ITPR2: variants seen among roughly 807,000 people sequenced by gnomAD.
ITPR2 encodes the protein inositol 1,4,5-trisphosphate-gated calcium channel ITPR2.
A neutral mutation model predicts 317.1 loss-of-function variants in ITPR2; 207 were observed. That is an observed-to-expected ratio of 0.65 (90% confidence interval 0.58 to 0.73). ITPR2 has a LOEUF of 0.73. Ranked by LOEUF, ITPR2 falls within the 30% of genes least tolerant of loss-of-function variation. The pLI is 0.00. For missense variants in ITPR2, 2,613 were observed against 3,284.0 expected, an observed-to-expected ratio of 0.80 and a Z score of 4.99; for synonymous variants, 1,156 against 1,149.1, an observed-to-expected ratio of 1.01 and a Z score of -0.12.
At chr12:26,461,278 A>G (rs768034659) in intron 45 of ITPR2, among the ~76,000 whole-genome samples, 17 of 152,152 alleles carry the variant, frequency 1.1e-4, no homozygotes, top group Non-Finnish European at 1.2e-4. Context: ...TTTCACAAGG[A>G]TATTTCAGAT....
intron 1 of ITPR2, among the ~76,000 whole-genome samples, chr12:26,826,495 C>T (rs1951011472): frequency 6.6e-6 from 1 of 152,064 alleles, no homozygotes; most frequent in South Asian, 2.1e-4. Context: ...CATCCCTGAA[C>T]ATGGAAACAA....
At chr12:26,461,392 G>A (rs1287380438) in intron 45 of ITPR2, among the ~76,000 whole-genome samples, 1 of 151,850 alleles carries the variant, frequency 6.6e-6, no homozygotes, top group African/African-American at 2.4e-5. Flanking sequence ...CATGCCACCT[G>A]TTTTTTAAAA....
intron 45 of ITPR2, among the ~76,000 whole-genome samples, chr12:26,467,108 G>A (rs968757471): frequency 6.6e-6 from 1 of 152,168 alleles, no homozygotes; most frequent in Non-Finnish European, 1.5e-5. Context: ...ACTGTAAGTA[G>A]TCTGAGTGAT....
intron 2 of ITPR2, among the ~76,000 whole-genome samples, chr12:26,781,335 T>C (rs180862717): frequency 2.0e-5 from 3 of 152,348 alleles, no homozygotes; most frequent in East Asian, 3.9e-4. Flanking sequence ...CTCCTCCTTT[T>C]GCTAAAAACA....
intron 56 of ITPR2, 76 bp downstream of exon 56, chr12:26,340,090 TG>T: frequency 7.1e-7 from 1 of 1,399,124 alleles, no homozygotes; most frequent in Non-Finnish European, 9.6e-7. Context: ...CCTGGCTCCC[TG>T]GACCCTCTGT....
At chr12:26,497,431 G>A (rs1470445015) in intron 37 of ITPR2, among the ~76,000 whole-genome samples, 1 of 39,900 alleles carries the variant, frequency 2.5e-5, no homozygotes, top group African/African-American at 7.1e-5. Context: ...TGGGATTACA[G>A]GCATGAGCCA....
chr12:26,373,889 T>A (rs1939260739), intron 55 of ITPR2, among the ~76,000 whole-genome samples: 1 of 152,206 alleles, frequency 6.6e-6, no homozygotes, highest in South Asian at 2.1e-4. Flanking sequence ...GAAATAAACA[T>A]CCTTTGTTGC....
intron 55 of ITPR2, among the ~76,000 whole-genome samples, chr12:26,385,918 G>T (rs1279260798): frequency 1.3e-5 from 2 of 151,918 alleles, no homozygotes; most frequent in African/African-American, 4.8e-5. Context: ...CTTTGGGTTT[G>T]TTATTCCCCC....
intron 37 of ITPR2, among the ~76,000 whole-genome samples, chr12:26,507,863 C>CTGTGTGTGTGTGTG (rs1555144092): frequency 6.7e-4 from 89 of 132,282 alleles, no homozygotes; most frequent in African/African-American, 2.3e-3. Context: ...CTCTCTGTCT[C>CTGTGTGTGTGTGTG]TGTGTGTGTG....
chr12:26,677,457 G>A (rs2015347), intron 13 of ITPR2, among the ~76,000 whole-genome samples: 49,161 of 151,780 alleles, frequency 0.32, 8,783 homozygotes, highest in East Asian at 0.64. Flanking sequence ...AAAATTAGCT[G>A]GGTGTGGTGG....
At chr12:26,722,309 C>A (rs746910661) in intron 5 of ITPR2, 88 bp downstream of exon 5, 3 of 1,202,498 alleles carry the variant, frequency 2.5e-6, no homozygotes, top group Non-Finnish European at 1.2e-6. Context: ...ACTATATTTT[C>A]TTTTTTGTAC....
intron 44 of ITPR2, among the ~76,000 whole-genome samples, chr12:26,475,710 C>T (rs7136486): frequency 0.03 from 4,524 of 152,130 alleles, 223 homozygotes; most frequent in African/African-American, 0.1. Context: ...TACTAAGTGC[C>T]CACTAAGTAA....
At chr12:26,474,268 G>A (rs972541553) in intron 45 of ITPR2, among the ~76,000 whole-genome samples, 2 of 152,198 alleles carry the variant, frequency 1.3e-5, no homozygotes, top group Admixed American at 1.3e-4. Flanking sequence ...AGAAAATGAT[G>A]AGAAAGAAAG....
At chr12:26,644,634 A>C (rs1393156220) in intron 21 of ITPR2, among the ~76,000 whole-genome samples, 2 of 152,098 alleles carry the variant, frequency 1.3e-5, no homozygotes, top group South Asian at 2.1e-4. Context: ...CCTTTATAAA[A>C]CCATCAGATC....
At chr12:26,352,794 C>T (rs7965667) in intron 55 of ITPR2, among the ~76,000 whole-genome samples, 57 of 152,256 alleles carry the variant, frequency 3.7e-4, no homozygotes, top group African/African-American at 1.3e-3. Context: ...ATTATTAGGC[C>T]AAAATCCCAC....
intron 1 of ITPR2, among the ~76,000 whole-genome samples, chr12:26,790,681 A>G (rs995166421): frequency 2.7e-5 from 4 of 150,624 alleles, no homozygotes; most frequent in Non-Finnish European, 1.5e-5. Flanking sequence ...CAGATTACCC[A>G]TAGTTTTTAT....
Position 26,487,244 on chromosome 12 carries a change from A to G in ITPR2, c.5378T>C (p.Phe1793Ser), listed in dbSNP as rs1364933469. 3.1e-6 allele frequency: 5 copies of G among 1,594,852 alleles called. No individual in the cohort carries two copies. Among genetic ancestry groups the G allele is most frequent in the Non-Finnish European group, 4.3e-6 (5 of 1,173,618 alleles). ...TTTTTGTTCATGCAACTGCTGGTAGAAAGAATACTGCAAGAAAACATATTT... is the reference window on the plus strand; with the variant it reads ...TTTTTGTTCATGCAACTGCTGGTAGGAAGAATACTGCAAGAAAACATATTT... ...EGGNTQTQYS[F>S]YQQLHEQKKS... Residue 1793 changes from phenylalanine (F) to serine (S), a missense_variant, in exon 40 of 57, where the codon TTC (phenylalanine) becomes TCC (serine). This residue lies in a region of ITPR2 where 926 missense variants were observed against 1,072.8 expected (regional missense o/e 0.86). Transcript: ENST00000381340.
Position 26,625,562 on chromosome 12 carries a change from T to C in ITPR2, c.3065-1206A>G, listed in dbSNP as rs148374256. 1.8e-4 allele frequency among the ~76,000 whole-genome samples: 28 copies of C among 152,336 alleles called. No individual in the cohort carries two copies. In the East Asian group the frequency reaches 2.3e-3, roughly 13 times the overall value. ...CTAAGACATCAATGTAATTTTTTAA[T>C]GTAAACTATGTTTTAAACTAATGTA... On this transcript the variant is annotated intron_variant, in intron 23 of 56. Coordinates refer to ENST00000381340, the MANE Select transcript of ITPR2 (RefSeq NM_002223.4).
chr12:26,595,622 G>A, intron 31 of ITPR2, 32 bp from the exon 32 acceptor site: 2 of 1,509,150 alleles, frequency 1.3e-6, no homozygotes, highest in Non-Finnish European at 1.8e-6. Context: ...AAGAAAGTTA[G>A]TTTTCTTTAT....
Sources: allele counts gnomAD v4.1 joint callset (sites outside exome capture counted in the v4.1 genomes callset), GRCh38; gene constraint gnomAD v4.1.1; regional missense constraint gnomAD v4.1.1; transcripts MANE v1.5; gene names NCBI Gene and HGNC (gene_info 2026-07-23, HGNC 2026-07-21).